SMARCA2: variants seen among roughly 807,000 people sequenced by gnomAD.
The protein encoded by SMARCA2 is SWI/SNF related BAF chromatin remodeling complex subunit ATPase 2, also known as SWI/SNF-related matrix-associated actin-dependent regulator of chromatin subfamily A member 2.
A neutral mutation model predicts 199.8 loss-of-function variants in SMARCA2; 61 were observed. The observed-to-expected ratio is 0.31, with a 90% confidence interval of 0.25 to 0.38. The LOEUF is 0.38. Ranked by LOEUF, SMARCA2 falls within the 10% of genes least tolerant of loss-of-function variation. The pLI, the probability that SMARCA2 is intolerant of heterozygous loss-of-function variation, is 1.00. For missense variants in SMARCA2, 1,344 were observed against 2,012.2 expected, an observed-to-expected ratio of 0.67 and a Z score of 6.35; for synonymous variants, 935 against 732.0, an observed-to-expected ratio of 1.28 and a Z score of -4.48.
intron 9 of SMARCA2, among the ~76,000 whole-genome samples, chr9:2,063,723 C>T (rs995232656): frequency 1.6e-4 from 21 of 127,968 alleles, no homozygotes; most frequent in African/African-American, 4.7e-4. Flanking sequence ...TTATTTTCAG[C>T]GTTAAACTAG....
At chr9:2,079,589 G>T (rs1490514339) in intron 14 of SMARCA2, among the ~76,000 whole-genome samples, 1 of 150,688 alleles carries the variant, frequency 6.6e-6, no homozygotes, top group Non-Finnish European at 1.5e-5. Flanking sequence ...TTTTGACCTC[G>T]TGGATCTCCT....
At chr9:2,129,842 A>G (rs1823861840) in intron 27 of SMARCA2, among the ~76,000 whole-genome samples, 1 of 152,166 alleles carries the variant, frequency 6.6e-6, no homozygotes, top group African/African-American at 2.4e-5. Context: ...TCAGGAACCC[A>G]GGACAAAGAC....
intron 27 of SMARCA2, among the ~76,000 whole-genome samples, chr9:2,126,495 T>G (rs1236177248): frequency 2.0e-5 from 3 of 152,218 alleles, no homozygotes; most frequent in Non-Finnish European, 4.4e-5. Flanking sequence ...TTAAGCTTTT[T>G]TGATGATGAA....
chr9:2,163,855 G>A (rs907179935), intron 28 of SMARCA2, among the ~76,000 whole-genome samples: 2 of 152,124 alleles, frequency 1.3e-5, no homozygotes, highest in Non-Finnish European at 2.9e-5. Flanking sequence ...ACCAACAGGT[G>A]GATGACATAC....
chr9:2,157,798 C>T (rs763701366), intron 27 of SMARCA2: 2 of 397,722 alleles, frequency 5.0e-6, no homozygotes, highest in Non-Finnish European at 8.9e-6. Flanking sequence ...CTGTGAACCA[C>T]GCATAACAGC....
intron 31 of SMARCA2, among the ~76,000 whole-genome samples, chr9:2,182,498 TTTTTTTTCC>T (rs1827113804): frequency 8.6e-6 from 1 of 116,552 alleles, no homozygotes; most frequent in African/African-American, 4.2e-5. Context: ...TTTTTTTTTT[TTTTTTTTCC>T]TTTTTTGAGG....
chr9:2,123,710 T>C lies in SMARCA2; in HGVS notation c.3763-9T>C. ...TGACTTTCGGTGACCCTCTTATTAA[T>C]GTCTCCAGCGGATGGACATGGACCG... On this transcript the variant is annotated splice_polypyrimidine_tract_variant and intron_variant, in intron 26 of 33. Coordinates refer to ENST00000349721, the MANE Select transcript of SMARCA2 (RefSeq NM_003070.5). The surrounding 1 kb of genome is among the most constrained non-coding windows in gnomAD (Gnocchi z 4.1). The C allele has an allele frequency of 6.2e-7, 1 of 1,613,416 alleles. No homozygotes were observed. Among genetic ancestry groups the C allele is most frequent in the Non-Finnish European group, 8.5e-7 (1 of 1,179,520 alleles).
At chr9:2,166,592 C>T (rs140845965) in intron 28 of SMARCA2, among the ~76,000 whole-genome samples, 1 of 152,156 alleles carries the variant, frequency 6.6e-6, no homozygotes, top group Non-Finnish European at 1.5e-5. Context: ...GATGCTGTAC[C>T]TCTAAATTTT....
chr9:2,145,714 C>A (rs1295794058), intron 27 of SMARCA2, among the ~76,000 whole-genome samples: 2 of 152,192 alleles, frequency 1.3e-5, no homozygotes, highest in African/African-American at 4.8e-5. Context: ...TCCCAGGGAA[C>A]CCTATCTAAA....
At chr9:2,105,960 A>C (rs1482685490) in intron 23 of SMARCA2, among the ~76,000 whole-genome samples, 4 of 152,214 alleles carry the variant, frequency 2.6e-5, no homozygotes, top group Admixed American at 6.5e-5. Flanking sequence ...AATTGCTTTC[A>C]TGTTTTCTTG....
intron 9 of SMARCA2, among the ~76,000 whole-genome samples, chr9:2,069,224 A>C (rs184355865): frequency 6.6e-6 from 1 of 151,722 alleles, no homozygotes; most frequent in Admixed American, 6.6e-5. Context: ...CCGATATGAC[A>C]TAATCTTAAC....
chr9:2,064,785 G>A lies in SMARCA2; in HGVS notation c.1692+3799G>A, dbSNP rs1398090375. Among the ~76,000 whole-genome samples the A allele has an allele frequency of 3.3e-5, 5 of 152,256 alleles. No homozygotes were observed. The East Asian group carries it at 9.7e-4, about 29-fold the overall frequency. Reference sequence around the variant, plus strand: ...TAATTACATGGCCTCTACTTTACTAGGGTTCCTGGCGATTATGAGGCATCT... The same window carrying A: ...TAATTACATGGCCTCTACTTTACTAAGGTTCCTGGCGATTATGAGGCATCT... On this transcript the variant is annotated intron_variant, in intron 9 of 33. Transcript: ENST00000349721.
At position 2,169,405 on chromosome 9, in the gene SMARCA2, C is replaced by T. The variant is rs567984992; in HGVS notation, c.4200-1014C>T. Among the ~76,000 whole-genome samples, 25 of 151,968 alleles carry T rather than the reference C, an allele frequency of 1.6e-4. No individual in the cohort carries two copies. The South Asian group carries it at 2.1e-3, about 13-fold the overall frequency. On this transcript the variant is annotated intron_variant, in intron 28 of 33. Transcript: ENST00000349721. The surrounding 1 kb of genome is among the most constrained non-coding windows in gnomAD (Gnocchi z 6.5). ...TGTTATCTTCCACAGTCTGAACCTT[C>T]GGATCTTCCCAACTTTTTTTTTCCA...
chr9:2,038,962 T>G (rs966770713), intron 3 of SMARCA2, among the ~76,000 whole-genome samples: 9 of 152,246 alleles, frequency 5.9e-5, no homozygotes, highest in African/African-American at 2.2e-4. Context: ...TTCTCGCAGT[T>G]GGAGCTACTT....
chr9:2,095,233 A>T (rs7024379), intron 19 of SMARCA2, among the ~76,000 whole-genome samples: 1 of 151,846 alleles, frequency 6.6e-6, no homozygotes, highest in Non-Finnish European at 1.5e-5. Flanking sequence ...CTACAGGCAC[A>T]CACCACCATG....
At chr9:2,033,617 C>A (rs1194613827) in intron 3 of SMARCA2, among the ~76,000 whole-genome samples, 1 of 152,188 alleles carries the variant, frequency 6.6e-6, no homozygotes, top group Non-Finnish European at 1.5e-5. Flanking sequence ...GGTGGCTGGG[C>A]CTGCCATAGC....
In SMARCA2 at chr9:2,192,745, A is replaced by G. The variant is rs192980752; in HGVS notation, c.*6A>G. 5.6e-6 allele frequency: 9 copies of G among 1,604,168 alleles called. No individual in the cohort carries two copies. In the African/African-American group the frequency reaches 1.1e-4, roughly 19 times the overall value. On this transcript the variant is annotated 3_prime_UTR_variant, in exon 34 of 34. Transcript: ENST00000349721. Reference sequence around the variant, plus strand: ...GTGGGACGGATGATGAGTGATCAGTATGGACCTTTTTCCTTGGTAGAACTG... The same window carrying G: ...GTGGGACGGATGATGAGTGATCAGTGTGGACCTTTTTCCTTGGTAGAACTG...
intron 30 of SMARCA2, 56 bp from the exon 31 acceptor site, chr9:2,182,085 T>C: frequency 1.8e-6 from 2 of 1,097,856 alleles, no homozygotes; most frequent in Non-Finnish European, 2.8e-6. Context: ...TAAGTAATGA[T>C]CGCTGAATTT....
At chr9:2,143,712 A>C (rs1213230374) in intron 27 of SMARCA2, among the ~76,000 whole-genome samples, 3 of 152,210 alleles carry the variant, frequency 2.0e-5, no homozygotes, top group African/African-American at 4.8e-5. Flanking sequence ...CTACCTTTAG[A>C]TGAGACGGAC....
Sources: gnomAD v4.1 joint callset for allele counts (sites outside exome capture counted in the v4.1 genomes callset) on GRCh38, gnomAD v4.1.1 for gene constraint, Gnocchi (gnomAD v3.1) non-coding constraint, MANE v1.5 for transcripts, NCBI Gene and HGNC (gene_info 2026-07-23, HGNC 2026-07-21) for gene names.